Variants in C13orf42 observed in about 807,000 individuals in gnomAD.
C13orf42 encodes chromosome 13 open reading frame 42.
At chr13:51,161,947 G>T in intron 1 of C13orf42, 2 of 482,794 alleles carry the variant, frequency 4.1e-6, no homozygotes, top group South Asian at 1.6e-5. Flanking sequence ...TGCTTCCCAC[G>T]TTGTATTCAT....
At chr13:51,170,842 C>T (rs540937597) in intron 1 of C13orf42, among the ~76,000 whole-genome samples, 9 of 152,090 alleles carry the variant, frequency 5.9e-5, no homozygotes, top group South Asian at 2.1e-4. Flanking sequence ...TGGCAAGTCC[C>T]GCTTTCCTGG....
upstream of C13orf42, among the ~76,000 whole-genome samples, chr13:51,113,851 C>G (rs1953459657): frequency 6.6e-6 from 1 of 152,162 alleles, no homozygotes; most frequent in Non-Finnish European, 1.5e-5. Context: ...GAGAGAAGGG[C>G]CTGCATCCTC....
At chr13:51,093,642 G>A (rs546091871) in intron 1 of C13orf42, among the ~76,000 whole-genome samples, 8 of 152,100 alleles carry the variant, frequency 5.3e-5, no homozygotes, top group Non-Finnish European at 1.0e-4. Flanking sequence ...TTCCTGTTTC[G>A]TGCGATGTTG....
intron 1 of C13orf42, among the ~76,000 whole-genome samples, chr13:51,121,840 A>C (rs1953538493): frequency 6.6e-6 from 1 of 152,152 alleles, no homozygotes; most frequent in Non-Finnish European, 1.5e-5. Context: ...TGGCCTCATA[A>C]ATTTTCTACA....
At chr13:51,169,191 A>G (rs1233314736) in intron 1 of C13orf42, among the ~76,000 whole-genome samples, 1 of 152,242 alleles carries the variant, frequency 6.6e-6, no homozygotes, top group Non-Finnish European at 1.5e-5. Context: ...AGACAGGAAG[A>G]TGAGGGAAAG....
chr13:51,085,612 G>A lies in C13orf42; in HGVS notation c.563-53C>T, dbSNP rs1246958062. 12 of 398,122 alleles carry A rather than the reference G, an allele frequency of 3.0e-5. No individual in the cohort carries two copies. The South Asian group carries it at 4.0e-4, about 13-fold the overall frequency. The allele number at this position is 398,122 out of a possible 1,614,324, so 24.7% of individuals were successfully genotyped here. On this transcript the variant is annotated intron_variant, in intron 2 of 3. Transcript: ENST00000563710. ...AAGGAAGGGCTTGCCATTGGGAGGC[G>A]CATAAGGCAAAGGAGAGGGCGGATT...
intron 1 of C13orf42, among the ~76,000 whole-genome samples, chr13:51,157,662 G>T (rs1469173381): frequency 6.6e-6 from 1 of 152,022 alleles, no homozygotes; most frequent in Non-Finnish European, 1.5e-5. Context: ...AACCCCCTTT[G>T]TTCCTTACTG....
intron 1 of C13orf42, among the ~76,000 whole-genome samples, chr13:51,165,403 T>C (rs1953895776): frequency 6.6e-6 from 1 of 152,224 alleles, no homozygotes; most frequent in South Asian, 2.1e-4. Flanking sequence ...CCCATTATCA[T>C]ACTCTCCTCA....
rs1306824993 is a variant in C13orf42, at chr13:51,089,382, T to C, written c.415-1307A>G. ...CTGTGTCCCTACCCAAATCTCATTCTGAATTGTAATCCCCACATGTCGAGG... is the reference window on the plus strand; with the variant it reads ...CTGTGTCCCTACCCAAATCTCATTCCGAATTGTAATCCCCACATGTCGAGG... On this transcript the variant is annotated intron_variant, in intron 1 of 3. Coordinates refer to ENST00000563710, the MANE Select transcript of C13orf42 (RefSeq NM_001351589.3). 2.6e-5 allele frequency among the ~76,000 whole-genome samples: 4 copies of C among 152,162 alleles called. No homozygotes were observed. In the East Asian group the frequency reaches 7.7e-4, roughly 29 times the overall value.
intron 1 of C13orf42, among the ~76,000 whole-genome samples, chr13:51,127,314 G>C (rs1953584808): frequency 6.6e-6 from 1 of 152,238 alleles, no homozygotes; most frequent in African/African-American, 2.4e-5. Flanking sequence ...ACTCAATCCT[G>C]ATGATAGCAA....
rs1025584358 is a variant in C13orf42, at chr13:51,171,362, G to A, written n.136+891C>T. Among the ~76,000 whole-genome samples the A allele has an allele frequency of 2.6e-5, 4 of 152,224 alleles. No individual in the cohort carries two copies. The East Asian group carries it at 5.8e-4, about 22-fold the overall frequency. On this transcript the variant is annotated intron_variant and non_coding_transcript_variant, in intron 1 of 4. Coordinates refer to the C13orf42 transcript ENST00000433280. ...GTAAAATAGGCAAACGGTCTGAGGT[G>A]CCTGACGTCCAGGCATTCTTTTACA...
intron 1 of C13orf42, among the ~76,000 whole-genome samples, chr13:51,106,918 A>AT (rs1298205694): frequency 2.0e-5 from 3 of 152,066 alleles, no homozygotes; most frequent in South Asian, 2.1e-4. Flanking sequence ...TCACGTACGG[A>AT]TTTTTTTTGT....
At chr13:51,133,820 G>A (rs1014761287) in intron 1 of C13orf42, among the ~76,000 whole-genome samples, 2 of 152,172 alleles carry the variant, frequency 1.3e-5, no homozygotes, top group Admixed American at 6.5e-5. Flanking sequence ...CAGAAGAGGG[G>A]GCTCTGTGAT....
intron 1 of C13orf42, among the ~76,000 whole-genome samples, chr13:51,126,695 A>G (rs1953580116): frequency 1.3e-5 from 2 of 152,204 alleles, no homozygotes; most frequent in South Asian, 4.1e-4. Context: ...GTGGCTACCC[A>G]AGGACTGAGG....
chr13:51,133,638 C>T lies in C13orf42; in HGVS notation n.137-20416G>A, dbSNP rs536951343. Reference sequence around the variant, plus strand: ...GGCTGGGTCAGCCTGGCCTGCAGCACAGCCCCAATGGGCCCCAGGAAAGGT... The same window carrying T: ...GGCTGGGTCAGCCTGGCCTGCAGCATAGCCCCAATGGGCCCCAGGAAAGGT... On this transcript the variant is annotated intron_variant and non_coding_transcript_variant, in intron 1 of 4. Transcript: ENST00000433280. Among the ~76,000 whole-genome samples, 227 of 152,310 alleles carry T rather than the reference C, an allele frequency of 1.5e-3. 1 individual carries two copies. Among genetic ancestry groups the T allele is most frequent in the African/African-American group, 5.2e-3 (218 of 41,576 alleles).
chr13:51,151,000 T>C (rs770465727), intron 1 of C13orf42, among the ~76,000 whole-genome samples: 4 of 152,168 alleles, frequency 2.6e-5, no homozygotes, highest in Non-Finnish European at 2.9e-5. Context: ...AGAACCCCCC[T>C]GGCCTGAGCT....
chr13:51,117,947 A>G (rs1473927879), intron 1 of C13orf42, among the ~76,000 whole-genome samples: 2 of 152,232 alleles, frequency 1.3e-5, no homozygotes, highest in African/African-American at 2.4e-5. Context: ...CTCAGAAGAA[A>G]GTATCCTTGT....
At chr13:51,131,512 A>G (rs566208943) in intron 1 of C13orf42, among the ~76,000 whole-genome samples, 1 of 152,320 alleles carries the variant, frequency 6.6e-6, no homozygotes, top group East Asian at 1.9e-4. Context: ...GACCCCACCA[A>G]GTTATCTGGG....
Position 51,124,881 on chromosome 13 carries a change from G to A in C13orf42, n.137-11659C>T, listed in dbSNP as rs149247272. On this transcript the variant is annotated intron_variant and non_coding_transcript_variant, in intron 1 of 4. Coordinates refer to the C13orf42 transcript ENST00000433280. The stretch of plus-strand genomic sequence containing the variant: ...AACCCTAATTCTTAAATTAAACCTC[G>A]TTGTCCCCATAACACACAGAGTGGC... Among the ~76,000 whole-genome samples the A allele has an allele frequency of 6.0e-4, 92 of 152,100 alleles. 1 individual carries two copies. The highest frequency in any genetic ancestry group is 2.6e-3 in the Admixed American group (40 of 15,282).
Sources: gnomAD v4.1 joint callset for allele counts (sites outside exome capture counted in the v4.1 genomes callset) on GRCh38, gnomAD v4.1.1 for gene constraint, MANE v1.5 for transcripts, NCBI Gene and HGNC (gene_info 2026-07-23, HGNC 2026-07-21) for gene names.